Variants in ARID3A observed in about 807,000 individuals in gnomAD.
ARID3A encodes the protein AT-rich interaction domain 3A.
ARID3A carries 11 observed loss-of-function variants against 52.7 expected under a neutral mutation model. The ratio of observed to expected loss-of-function variants is 0.21; its 90% confidence interval spans 0.13 to 0.35. The LOEUF is 0.35. ARID3A is among the 10% of genes least tolerant of loss of function. ARID3A has a pLI of 1.00. For missense variants in ARID3A, 721 were observed against 838.5 expected (o/e 0.86, Z 1.73); for synonymous variants, 404 against 359.4 (o/e 1.12, Z -1.40).
At chr19:958,427 C>CAAAAAA (rs35996712) in intron 3 of ARID3A, among the ~76,000 whole-genome samples, 1 of 85,940 alleles carries the variant, frequency 1.2e-5, no homozygotes, top group Admixed American at 1.2e-4. Context: ...GACTCCATCT[C>CAAAAAA]AAAAAAAAAA....
chr19:955,355 A>G (rs746709467), intron 3 of ARID3A, among the ~76,000 whole-genome samples: 2 of 152,170 alleles, frequency 1.3e-5, no homozygotes, highest in African/African-American at 2.4e-5. Flanking sequence ...AGCAACGGCC[A>G]TTAGAGCCGC....
At chr19:949,665 C>A (rs907248500) in intron 3 of ARID3A, among the ~76,000 whole-genome samples, 4 of 147,048 alleles carry the variant, frequency 2.7e-5, no homozygotes, top group Admixed American at 1.4e-4. Context: ...CCCCACAGAC[C>A]CTGATTCTGT....
chr19:927,144 CCG>C (rs1206068023), intron 1 of ARID3A, among the ~76,000 whole-genome samples: 1 of 152,078 alleles, frequency 6.6e-6, no homozygotes, highest in African/African-American at 2.4e-5. Context: ...TTTGCAAGGC[CCG>C]CGCCGAGCGG....
At position 938,331 on chromosome 19, in the gene ARID3A, G is replaced by A. The variant is rs866578283; in HGVS notation, c.693+5589G>A. On this transcript the variant is annotated intron_variant, in intron 3 of 8. Transcript: ENST00000263620. The surrounding 1 kb of genome is among the most constrained non-coding windows in gnomAD (Gnocchi z 4.0). The stretch of plus-strand genomic sequence containing the variant: ...TAGCCGGTATCTGTTGCTTCACTGC[G>A]TGAAGAAAGTGACTGAGTGTTTTAG... Among the ~76,000 whole-genome samples the A allele has an allele frequency of 1.3e-5, 2 of 152,348 alleles. No individual in the cohort carries two copies. Among genetic ancestry groups the A allele is most frequent in the East Asian group, 1.9e-4 (1 of 5,190 alleles).
rs111672925 is a variant in ARID3A at position 968,284 on chromosome 19, A to G, written c.1496-121A>G. 7,497 of 739,286 alleles carry G rather than the reference A, an allele frequency of 0.01. 443 individuals are homozygous for G. In the African/African-American group the frequency reaches 0.13, roughly 12 times the overall value. The allele number at this position is 739,286 out of a possible 1,614,324, so 45.8% of individuals were successfully genotyped here. A position where few individuals can be genotyped will look rare whatever the true frequency, so the allele number is the denominator to read the frequency against. Reference sequence around the variant, plus strand: ...TGAGGCAGGAGAATGGCGTGAACCCAGGAGGCAGAGCTTGCAGTGAGCTGA... The same window carrying G: ...TGAGGCAGGAGAATGGCGTGAACCCGGGAGGCAGAGCTTGCAGTGAGCTGA... On this transcript the variant is annotated intron_variant, in intron 7 of 8. Coordinates refer to ENST00000263620, the MANE Select transcript of ARID3A (RefSeq NM_005224.3).
chr19:973,104 A>ATTTTTTT lies in ARID3A; in HGVS notation c.*1054_*1060dup, dbSNP rs56404084. On this transcript the variant is annotated 3_prime_UTR_variant, in exon 9 of 9. Transcript: ENST00000263620. ...GGGCTCTCGAGTCAGGGGCCTGGAA[A>ATTTTTTT]TTTTTTTTTTTTTTTTTTTTTGAGA... is the stretch of plus-strand genomic sequence containing the variant. The ATTTTTTT allele has an allele frequency of 4.1e-3, 220 of 53,664 alleles. 49 individuals are homozygous for ATTTTTTT. Among genetic ancestry groups the ATTTTTTT allele is most frequent in the African/African-American group, 0.011 (158 of 14,260 alleles). 3.3% of individuals were successfully genotyped at this position (53,664 alleles called of 1,614,324 possible). A position where few individuals can be genotyped will look rare whatever the true frequency, so the allele number is the denominator to read the frequency against.
At chr19:954,666 T>C (rs934407775) in intron 3 of ARID3A, among the ~76,000 whole-genome samples, 1 of 151,426 alleles carries the variant, frequency 6.6e-6, no homozygotes, top group African/African-American at 2.4e-5. Context: ...TAAAGGTGGG[T>C]GGGAGCAGAG....
chr19:966,471 A>AAAAG (rs2038157693), intron 6 of ARID3A, 101 bp from the exon 7 acceptor site: 2 of 1,089,902 alleles, frequency 1.8e-6, no homozygotes, highest in Middle Eastern at 2.7e-4. Context: ...AAAAAAAAAA[A>AAAAG]AAAAGAAAAG....
intron 2 of ARID3A, 66 bp from the exon 3 acceptor site, chr19:932,352 G>T (rs2145354939): frequency 5.1e-6 from 8 of 1,563,196 alleles, no homozygotes; most frequent in Non-Finnish European, 6.9e-6. Flanking sequence ...GCGGGGAGTG[G>T]GTCTTTCCTT....
At chr19:962,295 G>A (rs1332190140) in intron 4 of ARID3A, among the ~76,000 whole-genome samples, 1 of 151,958 alleles carries the variant, frequency 6.6e-6, no homozygotes, top group African/African-American at 2.4e-5. Flanking sequence ...AATTCTCTGG[G>A]GGCTAGAAGT....
intron 7 of ARID3A, 138 bp downstream of exon 7, chr19:967,006 C>T (rs1233015116): frequency 7.0e-6 from 8 of 1,138,604 alleles, no homozygotes; most frequent in Non-Finnish European, 1.2e-6. Flanking sequence ...ATCTGTAATC[C>T]CAGCACTTTG....
At position 972,103 on chromosome 19, in the gene ARID3A, G is replaced by A. The variant is rs1336931806; in HGVS notation, c.*38G>A. 8.1e-6 allele frequency: 12 copies of A among 1,489,984 alleles called. No homozygotes were observed. Among genetic ancestry groups the A allele is most frequent in the East Asian group, 2.8e-5 (1 of 35,522 alleles). 92.3% of individuals were successfully genotyped at this position (1,489,984 alleles called of 1,614,324 possible). A position where few individuals can be genotyped will look rare whatever the true frequency, so the allele number is the denominator to read the frequency against. On this transcript the variant is annotated 3_prime_UTR_variant, in exon 9 of 9. Coordinates refer to ENST00000263620, the MANE Select transcript of ARID3A (RefSeq NM_005224.3). ...CCACCCGCCACCCACCCTGGAGCCCGCCGGCCTGGGCAGGGGGTCCAGGTG... is the reference window on the plus strand; with the variant it reads ...CCACCCGCCACCCACCCTGGAGCCCACCGGCCTGGGCAGGGGGTCCAGGTG...
At chr19:940,933 C>T (rs112054120) in intron 3 of ARID3A, among the ~76,000 whole-genome samples, 20 of 152,240 alleles carry the variant, frequency 1.3e-4, no homozygotes, top group African/African-American at 2.9e-4. Flanking sequence ...GGTGGGTGCC[C>T]GCCAGCCCCT....
Position 942,601 on chromosome 19 carries a change from G to C in ARID3A, c.693+9859G>C, listed in dbSNP as rs1358743874. On this transcript the variant is annotated intron_variant, in intron 3 of 8. Transcript: ENST00000263620. This position sits in a 1 kb window ranked among gnomAD's most constrained non-coding sequence, Gnocchi z 8.1. ...CAGCCTTGCCCCTTGGTCAGGGCTG[G>C]GCTGGGGGTCCGTGGGCACAGGTGG... Among the ~76,000 whole-genome samples the C allele has an allele frequency of 1.3e-5, 2 of 152,208 alleles. No individual in the cohort carries two copies. Among genetic ancestry groups the C allele is most frequent in the African/African-American group, 2.4e-5 (1 of 41,452 alleles).
intron 8 of ARID3A, among the ~76,000 whole-genome samples, chr19:969,295 G>A (rs190233775): frequency 1.6e-4 from 25 of 151,948 alleles, no homozygotes; most frequent in Non-Finnish European, 2.4e-4. Flanking sequence ...CCAGCACTTC[G>A]GGAGGTTAAC....
chr19:927,168 C>T (rs1235120253), intron 1 of ARID3A, among the ~76,000 whole-genome samples: 1 of 152,128 alleles, frequency 6.6e-6, no homozygotes, highest in Admixed American at 6.5e-5. Context: ...TGACCTCTCT[C>T]CGGAGGCCTG....
chr19:946,666 C>G (rs2037689628), intron 3 of ARID3A, among the ~76,000 whole-genome samples: 1 of 152,166 alleles, frequency 6.6e-6, no homozygotes, highest in Non-Finnish European at 1.5e-5. Context: ...GTCTCAAGCT[C>G]CTGACCTCAA....
In ARID3A at chr19:974,255, C is replaced by G. The variant is rs766669413; in HGVS notation, c.*2190C>G. The G allele has an allele frequency of 8.8e-6, 2 of 227,170 alleles. No individual in the cohort carries two copies. Among genetic ancestry groups the G allele is most frequent in the South Asian group, 3.7e-4 (2 of 5,474 alleles). 14.1% of individuals were successfully genotyped at this position (227,170 alleles called of 1,614,324 possible). On this transcript the variant is annotated 3_prime_UTR_variant, in exon 9 of 9. Transcript: ENST00000263620. ...GGGGAGGGGACCCCCACTTCCTTCTCGGATCTCAGGGCCGTGGACACACAC... is the reference window on the plus strand; with the variant it reads ...GGGGAGGGGACCCCCACTTCCTTCTGGGATCTCAGGGCCGTGGACACACAC...
In ARID3A at chr19:960,031, G is replaced by A. The variant is rs116982829; in HGVS notation, c.694-61G>A. 0.012 allele frequency: 18,483 copies of A among 1,484,642 alleles called. 162 individuals are homozygous for A. The highest frequency in any genetic ancestry group is 0.015 in the South Asian group (1,251 of 84,784). The allele number at this position is 1,484,642 out of a possible 1,614,324, so 92.0% of individuals were successfully genotyped here. On this transcript the variant is annotated intron_variant, in intron 3 of 8. Coordinates refer to ENST00000263620, the MANE Select transcript of ARID3A (RefSeq NM_005224.3). The surrounding 1 kb of genome is among the most constrained non-coding windows in gnomAD (Gnocchi z 4.3). ...CTGACCTGGCCTCCAGTGCAGGAGG[G>A]ACATGGTTCCCACACCTGAGCTCTG...
Sources: gnomAD v4.1 joint callset for allele counts (sites outside exome capture counted in the v4.1 genomes callset) on GRCh38, gnomAD v4.1.1 for gene constraint, Gnocchi (gnomAD v3.1) non-coding constraint, MANE v1.5 for transcripts, NCBI Gene and HGNC (gene_info 2026-07-23, HGNC 2026-07-21) for gene names.